The following COL6A2 variants were observed in gnomAD, a reference collection of about 807,000 sequenced individuals.
COL6A2 encodes the protein collagen alpha-2(VI) chain.
COL6A2 carries 90 observed loss-of-function variants against 124.9 expected under a neutral mutation model. That is an observed-to-expected ratio of 0.72 (90% CI 0.61 to 0.86). The LOEUF (loss-of-function observed/expected upper bound fraction) is 0.86. COL6A2 is among the 40% of genes least tolerant of loss of function. The pLI is 0.00. For synonymous variants in COL6A2, 793 were observed against 618.2 expected (o/e 1.28, Z -4.19); for missense variants, 1,607 against 1,502.5 (o/e 1.07, Z -1.15).
intron 15 of COL6A2, 136 bp from the exon 16 acceptor site, chr21:46,120,379 T>TG (rs2078544758): frequency 8.8e-6 from 6 of 685,292 alleles, no homozygotes; most frequent in Non-Finnish European, 1.5e-5. Flanking sequence ...AGGCGACTGT[T>TG]GCAGGTCCCC....
chr21:46,099,681 A>G (rs2078266612), intron 1 of COL6A2, among the ~76,000 whole-genome samples: 1 of 152,108 alleles, frequency 6.6e-6, no homozygotes, highest in Non-Finnish European at 1.5e-5. Context: ...GGGGCTGCCC[A>G]GGTCCGCCCA....
intron 27 of COL6A2, among the ~76,000 whole-genome samples, chr21:46,127,229 A>T (rs2078685273): frequency 6.6e-6 from 1 of 152,036 alleles, no homozygotes; most frequent in African/African-American, 2.4e-5. Flanking sequence ...TAGGGATGCC[A>T]TGGAGACAGG....
At chr21:46,128,616 C>G (rs1312145945) in intron 27 of COL6A2, among the ~76,000 whole-genome samples, 2 of 152,236 alleles carry the variant, frequency 1.3e-5, no homozygotes, top group Non-Finnish European at 2.9e-5. Flanking sequence ...CCAGACGCAG[C>G]TGAAGGCAGT....
intron 4 of COL6A2, 180 bp downstream of exon 4, chr21:46,113,004 G>T (rs1276240684): frequency 2.6e-6 from 2 of 762,480 alleles, no homozygotes; most frequent in Non-Finnish European, 4.4e-6. Context: ...GCCAAAGCTA[G>T]GCTGTTTAGA....
intron 27 of COL6A2, chr21:46,129,536 T>A: frequency 1.3e-6 from 2 of 1,513,390 alleles, no homozygotes; most frequent in Non-Finnish European, 1.8e-6. Flanking sequence ...CCTGCCACAC[T>A]AGCTTCCCAG....
intron 27 of COL6A2, chr21:46,129,027 C>A: frequency 1.2e-6 from 2 of 1,603,068 alleles, no homozygotes; most frequent in African/African-American, 1.3e-5. Flanking sequence ...TGCCCCCACG[C>A]CTCCTGCCAA....
chr21:46,108,189 C>T lies in COL6A2; in HGVS notation c.-27-3261C>T, dbSNP rs190891395. The stretch of plus-strand genomic sequence containing the variant: ...CTATCTTTAATAAGGACAGTTTTGT[C>T]TCTTCTTTTCCAACAGTTATACTTT... On this transcript the variant is annotated intron_variant, in intron 1 of 27. Coordinates refer to ENST00000300527, the MANE Select transcript of COL6A2 (RefSeq NM_001849.4). 3.6e-4 allele frequency among the ~76,000 whole-genome samples: 54 copies of T among 151,214 alleles called. No homozygotes were observed. The East Asian group carries it at 6.8e-3, about 19-fold the overall frequency.
At chr21:46,125,358 G>A in intron 24 of COL6A2, 47 bp downstream of exon 24, 2 of 1,604,870 alleles carry the variant, frequency 1.2e-6, no homozygotes, top group Non-Finnish European at 1.7e-6. Flanking sequence ...ACCGGGTGGA[G>A]GGCGGGAGTG....
intron 19 of COL6A2, 56 bp from the exon 20 acceptor site, chr21:46,122,440 A>C: frequency 2.5e-6 from 4 of 1,607,534 alleles, no homozygotes; most frequent in Non-Finnish European, 2.6e-6. Context: ...GCCCAGAGGG[A>C]GGAAGGAGCA....
rs547280102 is a variant in COL6A2 at position 46,127,167 on chromosome 21, C to T, written c.2461+626C>T. Among the ~76,000 whole-genome samples, 19 of 152,170 alleles carry T rather than the reference C, an allele frequency of 1.2e-4. No individual in the cohort carries two copies. In the East Asian group the frequency reaches 3.1e-3, roughly 25 times the overall value. On this transcript the variant is annotated intron_variant, in intron 27 of 27. Coordinates refer to ENST00000300527, the MANE Select transcript of COL6A2 (RefSeq NM_001849.4). The stretch of plus-strand genomic sequence containing the variant: ...TGGGCCCACAGGAGGTCCCCGGGGG[C>T]GTTAGGAGCTGAGTCCCCCTCAGTG...
In COL6A2 at chr21:46,119,845, G is replaced by A. The variant is rs1442330797; in HGVS notation, c.1327G>A (p.Glu443Lys). The A allele has an allele frequency of 1.9e-6, 3 of 1,558,748 alleles. No homozygotes were observed. The highest frequency in any genetic ancestry group is 2.4e-5 in the East Asian group (1 of 42,460). ...GSPGSDGPKGEKGDPGPEGPR... is the reference protein window; with the variant it reads ...GSPGSDGPKGKKGDPGPEGPR... ...CCCAGGCAGCGATGGCCCCAAGGGG[G>A]AGAAGGTGAGTCCTCGTGTGGAGGC... Residue 443 changes from glutamate to lysine, a missense_variant, in exon 15 of 28, where the codon GAG becomes AAG. Physicochemically the swap from Glu to Lys is moderately conservative, Grantham distance 56. Transcript: ENST00000300527.
intron 16 of COL6A2, 86 bp from the exon 17 acceptor site, chr21:46,120,975 C>T: frequency 2.3e-6 from 3 of 1,308,960 alleles, no homozygotes; most frequent in Non-Finnish European, 2.2e-6. Context: ...CCCCCGAGGC[C>T]CTGCAGTGTC....
rs761310536 is a variant in COL6A2, at chr21:46,121,115, G to A, written c.1450G>A (p.Gly484Arg). 24 of 1,612,732 alleles carry A rather than the reference G, an allele frequency of 1.5e-5. No individual in the cohort carries two copies. The highest frequency in any genetic ancestry group is 1.9e-5 in the Non-Finnish European group (22 of 1,179,918). Residue 484 changes from glycine to arginine, a missense_variant, in exon 17 of 28, where the codon GGA becomes AGA. Physicochemically the swap from Gly to Arg is moderately radical, Grantham distance 125. Transcript: ENST00000300527. ...RGPQGALGEP[G>R]KQGSRGDPGD... ...CCCCCAGGGAGCTCTTGGGGAGCCC[G>A]GAAAGCAGGTCAGTGTCAGTGCAGG...
chr21:46,128,525 C>G (rs1601257631), intron 27 of COL6A2, among the ~76,000 whole-genome samples: 1 of 152,224 alleles, frequency 6.6e-6, no homozygotes, highest in Non-Finnish European at 1.5e-5. Flanking sequence ...CTGTCCACCC[C>G]AAAGCCCAGC....
chr21:46,118,963 C>A, intron 13 of COL6A2, 67 bp from the exon 14 acceptor site: 2 of 1,273,304 alleles, frequency 1.6e-6, no homozygotes, highest in South Asian at 1.2e-5. Flanking sequence ...CACCACACAC[C>A]GCACAGGCGT....
At position 46,129,463 on chromosome 21, in the gene COL6A2, A is replaced by T. The variant is rs141389559; in HGVS notation, c.2462-2491A>T. 83 of 1,593,968 alleles carry T rather than the reference A, an allele frequency of 5.2e-5. No homozygotes were observed. The East Asian group carries it at 1.1e-3, about 22-fold the overall frequency. On this transcript the variant is annotated intron_variant, in intron 27 of 27. Coordinates refer to ENST00000300527, the MANE Select transcript of COL6A2 (RefSeq NM_001849.4). ...CTGGTGCACAGGGACATCGTGGGGG[A>T]CCCCGAGACCGCGCTGGCCCTCTGC...
At chr21:46,123,077 A>T in intron 21 of COL6A2, 140 bp downstream of exon 21, 1 of 845,032 alleles carries the variant, frequency 1.2e-6, no homozygotes, top group Non-Finnish European at 2.0e-6. Flanking sequence ...ACCTTCCTAA[A>T]GGGAACGGCT....
intron 17 of COL6A2, 93 bp from the exon 18 acceptor site, chr21:46,121,463 T>G: frequency 8.0e-7 from 1 of 1,245,358 alleles, no homozygotes; most frequent in Non-Finnish European, 1.2e-6. Context: ...CCATGTGGCC[T>G]GGTGGTCAGG....
At chr21:46,128,673 G>T (rs79900420) in intron 27 of COL6A2, among the ~76,000 whole-genome samples, 18 of 152,348 alleles carry the variant, frequency 1.2e-4, no homozygotes, top group African/African-American at 4.3e-4. Context: ...GGGCCACAGC[G>T]TAACCTGAGC....
Sources: gnomAD v4.1 joint callset for allele counts (sites outside exome capture counted in the v4.1 genomes callset) on GRCh38, gnomAD v4.1.1 for gene constraint, MANE v1.5 for transcripts, NCBI Gene and HGNC (gene_info 2026-07-23, HGNC 2026-07-21) for gene names.